The following MYO5B variants were observed in gnomAD, a reference collection of about 807,000 sequenced individuals.
MYO5B encodes the protein unconventional myosin-Vb.
A neutral mutation model predicts 229.3 loss-of-function variants in MYO5B; 143 were observed. That is an observed-to-expected ratio of 0.62 (90% confidence interval 0.54 to 0.72). MYO5B has a LOEUF of 0.72. Among genes scored for constraint, MYO5B ranks in the 30% least tolerant of loss-of-function variants. MYO5B has a pLI of 0.00. For missense variants in MYO5B, 2,321 were observed against 2,331.0 expected (o/e 1.00, Z 0.09); for synonymous variants, 918 against 885.2 (o/e 1.04, Z -0.66).
intron 1 of MYO5B, among the ~76,000 whole-genome samples, chr18:50,188,785 T>TAAAAAAAAAAAAAAAAAAAAAAAAAA (rs4042094): frequency 9.5e-6 from 1 of 105,100 alleles, no homozygotes; most frequent in Non-Finnish European, 1.9e-5. Flanking sequence ...GACTCTGTCA[T>TAAAAAAAAAAAAAAAAAAAAAAAAAA]AAAAAAAAAA....
At chr18:49,906,305 C>T in intron 19 of MYO5B, 114 bp downstream of exon 19, 1 of 1,067,910 alleles carries the variant, frequency 9.4e-7, no homozygotes, top group Non-Finnish European at 1.4e-6. Flanking sequence ...AGACATGGCC[C>T]CAACAGGAAC....
Position 50,194,754 on chromosome 18 carries a change from C to T in MYO5B, c.27+13G>A, listed in dbSNP as rs2033278262. The T allele has an allele frequency of 2.7e-6, 4 of 1,479,196 alleles. No homozygotes were observed. The highest frequency in any genetic ancestry group is 1.8e-6 in the Non-Finnish European group (2 of 1,118,682). 91.6% of individuals were successfully genotyped at this position (1,479,196 alleles called of 1,614,324 possible). The stretch of plus-strand genomic sequence containing the variant: ...CCCCGGCCCCGGGGCGCCTCCCTCG[C>T]GGCCGCGCTCACCTGGCTGTAGAGC... On this transcript the variant is annotated intron_variant, in intron 1 of 39. Coordinates refer to ENST00000285039, the MANE Select transcript of MYO5B (RefSeq NM_001080467.3).
intron 39 of MYO5B, 112 bp from the exon 40 acceptor site, chr18:49,826,735 T>A (rs954175160): frequency 1.6e-6 from 2 of 1,262,148 alleles, no homozygotes; most frequent in African/African-American, 3.0e-5. Context: ...CTACGACAAT[T>A]AGGTAGAACT....
intron 4 of MYO5B, among the ~76,000 whole-genome samples, chr18:50,024,356 G>T (rs1420923919): frequency 9.3e-6 from 1 of 107,106 alleles, no homozygotes; most frequent in Non-Finnish European, 2.1e-5. Context: ...ACTAAGCAGA[G>T]AAGTCCTGGG....
chr18:49,951,653 A>T (rs2144241133), intron 14 of MYO5B, among the ~76,000 whole-genome samples: 1 of 152,322 alleles, frequency 6.6e-6, no homozygotes, highest in East Asian at 1.9e-4. Flanking sequence ...ACAATGGCAG[A>T]ACCAGACTCT....
intron 22 of MYO5B, 59 bp downstream of exon 22, chr18:49,894,882 T>C: frequency 6.9e-7 from 1 of 1,447,662 alleles, no homozygotes. Flanking sequence ...CTCTGAGAGG[T>C]GGCTCCGTGT....
chr18:49,856,727 C>A (rs2024266661), intron 30 of MYO5B, 86 bp downstream of exon 30: 1 of 1,152,642 alleles, frequency 8.7e-7, no homozygotes, highest in Non-Finnish European at 1.3e-6. Flanking sequence ...TGCTCTCGCA[C>A]CCACTGTAGC....
chr18:49,978,170 C>A (rs1205780230), intron 9 of MYO5B, among the ~76,000 whole-genome samples: 2 of 152,150 alleles, frequency 1.3e-5, no homozygotes, highest in Non-Finnish European at 2.9e-5. Context: ...CTCCCTCCTG[C>A]CCCCTTTACC....
intron 1 of MYO5B, among the ~76,000 whole-genome samples, chr18:50,093,868 A>G (rs1286400725): frequency 6.6e-6 from 1 of 152,236 alleles, no homozygotes; most frequent in Non-Finnish European, 1.5e-5. Flanking sequence ...TATGGTCTAA[A>G]AAGGGGATGA....
At chr18:50,127,323 C>G (rs1325634022) in intron 1 of MYO5B, among the ~76,000 whole-genome samples, 1 of 152,206 alleles carries the variant, frequency 6.6e-6, no homozygotes, top group Non-Finnish European at 1.5e-5. Flanking sequence ...CCAAGCCCAT[C>G]ATCTTGGTCT....
At chr18:49,933,285 G>C (rs1479355890) in intron 16 of MYO5B, among the ~76,000 whole-genome samples, 1 of 152,170 alleles carries the variant, frequency 6.6e-6, no homozygotes, top group Non-Finnish European at 1.5e-5. Context: ...GGCCACTGCT[G>C]CTCTGGATAC....
intron 16 of MYO5B, among the ~76,000 whole-genome samples, chr18:49,933,130 G>A (rs1336994194): frequency 6.6e-6 from 1 of 152,166 alleles, no homozygotes; most frequent in Non-Finnish European, 1.5e-5. Context: ...TCCATGGGCT[G>A]CAAGCTCCCT....
intron 1 of MYO5B, among the ~76,000 whole-genome samples, chr18:50,187,515 T>C (rs753592684): frequency 1.4e-4 from 22 of 151,930 alleles, no homozygotes; most frequent in Non-Finnish European, 2.5e-4. Context: ...AATGCTTTTT[T>C]TGGGGGGGTG....
At chr18:49,965,258 T>C (rs1016129661) in intron 10 of MYO5B, among the ~76,000 whole-genome samples, 2 of 152,174 alleles carry the variant, frequency 1.3e-5, no homozygotes, top group Non-Finnish European at 2.9e-5. Flanking sequence ...ACAGGATGGA[T>C]GTGGTCACAC....
In MYO5B at chr18:49,942,392, A is replaced by AC. The variant is rs1461320408; in HGVS notation, c.1753-4996_1753-4995insG. Among the ~76,000 whole-genome samples the AC allele has an allele frequency of 2.2e-4, 30 of 138,954 alleles. No homozygotes were observed. In the South Asian group the frequency reaches 4.7e-3, roughly 22 times the overall value. 91.2% of individuals were successfully genotyped at this position (138,954 alleles called of 152,430 possible). On this transcript the variant is annotated intron_variant, in intron 14 of 39. Coordinates refer to ENST00000285039, the MANE Select transcript of MYO5B (RefSeq NM_001080467.3). ...AGCTTCTGCACAGCAAAAAAAAAAA[A>AC]AAAAAAAAAAAAACTACCGTCAGAG... is the stretch of plus-strand genomic sequence containing the variant.
chr18:50,072,256 A>C (rs2030975135), intron 1 of MYO5B, among the ~76,000 whole-genome samples: 1 of 152,130 alleles, frequency 6.6e-6, no homozygotes, highest in Non-Finnish European at 1.5e-5. Flanking sequence ...AAAAAAAACT[A>C]ACATTTAGCC....
At position 49,836,765 on chromosome 18, in the gene MYO5B, G is replaced by T; in HGVS notation, c.5259C>A (p.Thr1753=). ...AAQLLQLKKK[T]QEDAEAICSL... is the part of the protein sequence containing the mutation. ...AGCAGATAGCCTCTGCGTCCTCCTG[G>T]GTTTTCTTCTTTAATTGCAGGAGCT... The change falls in exon 38 of 40, where the codon ACC becomes ACA. Residue 1753 remains threonine (T), a synonymous_variant. Coordinates refer to ENST00000285039, the MANE Select transcript of MYO5B (RefSeq NM_001080467.3). 6.2e-7 allele frequency: 1 copy of T among 1,614,126 alleles called. No individual in the cohort carries two copies.
intron 13 of MYO5B, 22 bp from the exon 14 acceptor site, chr18:49,953,365 A>G (rs1447603957): frequency 6.2e-7 from 1 of 1,607,880 alleles, no homozygotes; most frequent in Non-Finnish European, 8.5e-7. Flanking sequence ...GCAACCAGAG[A>G]GAGACACAGT....
chr18:50,033,267 T>C (rs1345886461), intron 4 of MYO5B, among the ~76,000 whole-genome samples: 1 of 152,172 alleles, frequency 6.6e-6, no homozygotes, highest in Non-Finnish European at 1.5e-5. Flanking sequence ...TCTGAGGTCA[T>C]GGTCCACTAC....
Sources: allele counts gnomAD v4.1 joint callset (sites outside exome capture counted in the v4.1 genomes callset), GRCh38; gene constraint gnomAD v4.1.1; transcripts MANE v1.5; gene names NCBI Gene and HGNC (gene_info 2026-07-23, HGNC 2026-07-21).